HS6ST3: variants seen among roughly 807,000 people sequenced by gnomAD.
HS6ST3 encodes the protein heparan-sulfate 6-O-sulfotransferase 3.
In HS6ST3, 12 loss-of-function variants were observed where a neutral mutation model predicts 36.7. The observed-to-expected ratio is 0.33, with a 90% CI of 0.21 to 0.53. The LOEUF (loss-of-function observed/expected upper bound fraction) is 0.53, where lower values mean the gene tolerates loss of function less well. Ranked by LOEUF, HS6ST3 falls within the 20% of genes least tolerant of loss-of-function variation. The probability of loss-of-function intolerance (pLI) is 0.95; values close to 1 mark genes in which losing one functional copy is unlikely to be tolerated. For synonymous variants in HS6ST3, 240 were observed against 257.5 expected, an observed-to-expected ratio of 0.93 and a Z score of 0.65; for missense variants, 584 against 640.9, an observed-to-expected ratio of 0.91 and a Z score of 0.96.
At chr13:96,661,651 T>G (rs1290832971) in intron 1 of HS6ST3, among the ~76,000 whole-genome samples, 1 of 152,162 alleles carries the variant, frequency 6.6e-6, no homozygotes, top group African/African-American at 2.4e-5. Flanking sequence ...TAATTGTTAG[T>G]TGCTTCATAG....
chr13:96,596,721 T>C (rs941900867), intron 1 of HS6ST3, among the ~76,000 whole-genome samples: 6 of 152,192 alleles, frequency 3.9e-5, no homozygotes, highest in African/African-American at 1.4e-4. Context: ...GAAACATTTA[T>C]ATACTGTTGG....
At chr13:96,595,403 G>A (rs150662927) in intron 1 of HS6ST3, among the ~76,000 whole-genome samples, 19 of 152,100 alleles carry the variant, frequency 1.2e-4, no homozygotes, top group African/African-American at 4.6e-4. Context: ...TGTATTAGAT[G>A]TATTAGAACT....
intron 1 of HS6ST3, among the ~76,000 whole-genome samples, chr13:96,750,553 C>T (rs996086130): frequency 6.6e-6 from 1 of 152,158 alleles, no homozygotes; most frequent in Non-Finnish European, 1.5e-5. Flanking sequence ...GTTTTAAATG[C>T]TTTGTATATG....
intron 1 of HS6ST3, among the ~76,000 whole-genome samples, chr13:96,737,781 T>A (rs1305420929): frequency 6.6e-6 from 1 of 152,128 alleles, no homozygotes; most frequent in East Asian, 1.9e-4. Flanking sequence ...AAAGCTATCA[T>A]CTCTAGGTGA....
chr13:96,229,172 A>G (rs1182254795), intron 1 of HS6ST3, among the ~76,000 whole-genome samples: 8 of 152,004 alleles, frequency 5.3e-5, no homozygotes, highest in Admixed American at 3.9e-4. Flanking sequence ...ATGCTGAAAA[A>G]CCCAGGAGGG....
chr13:96,829,837 T>A (rs147638969), intron 1 of HS6ST3, among the ~76,000 whole-genome samples: 232 of 152,316 alleles, frequency 1.5e-3, no homozygotes, highest in Non-Finnish European at 2.0e-3. Context: ...AATAGAACAA[T>A]TTATATTCAT....
chr13:96,429,931 A>G (rs2055606671), intron 1 of HS6ST3, among the ~76,000 whole-genome samples: 2 of 152,228 alleles, frequency 1.3e-5, no homozygotes, highest in African/African-American at 4.8e-5. Context: ...ATATTTTTCT[A>G]TTGTAGATTT....
intron 1 of HS6ST3, among the ~76,000 whole-genome samples, chr13:96,178,908 A>C (rs2054225383): frequency 6.6e-6 from 1 of 152,228 alleles, no homozygotes; most frequent in Admixed American, 6.5e-5. Flanking sequence ...TTTTATATAA[A>C]AGAATATTTT....
At chr13:96,216,133 A>C (rs551410986) in intron 1 of HS6ST3, among the ~76,000 whole-genome samples, 3 of 152,220 alleles carry the variant, frequency 2.0e-5, no homozygotes, top group Non-Finnish European at 4.4e-5. Flanking sequence ...AGAATTATAC[A>C]TGTTTATGTT....
intron 1 of HS6ST3, among the ~76,000 whole-genome samples, chr13:96,714,078 C>G (rs573037197): frequency 8.7e-4 from 133 of 152,160 alleles, no homozygotes; most frequent in African/African-American, 3.1e-3. Flanking sequence ...AAAAGTTTAA[C>G]ATTTTTAGAA....
At chr13:96,688,547 G>A (rs982179031) in intron 1 of HS6ST3, among the ~76,000 whole-genome samples, 5 of 151,940 alleles carry the variant, frequency 3.3e-5, no homozygotes, top group Admixed American at 6.6e-5. Context: ...AAGGAATAGC[G>A]GAGAAGAGAC....
rs553233555 is a variant in HS6ST3 at position 96,451,122 on chromosome 13, T to C, written c.707+359553T>C. Among the ~76,000 whole-genome samples the C allele has an allele frequency of 3.3e-5, 5 of 152,072 alleles. No homozygotes were observed. The East Asian group carries it at 9.7e-4, about 29-fold the overall frequency. On this transcript the variant is annotated intron_variant, in intron 1 of 1. Coordinates refer to ENST00000376705, the MANE Select transcript of HS6ST3 (RefSeq NM_153456.4). ...TGTAATAGTATTACACATTAAAAAT[T>C]TAATGTGTAATGTAATTTAATGTGT...
At position 96,838,170 on chromosome 13, in the gene HS6ST3, A is replaced by G. The variant is rs865949151; in HGVS notation, c.*4972A>G. On this transcript the variant is annotated 3_prime_UTR_variant, in exon 2 of 2. Coordinates refer to ENST00000376705, the MANE Select transcript of HS6ST3 (RefSeq NM_153456.4). ...AAGGAGGCAGATCTTTCCAAGGTGG[A>G]AAGGTAATGAATTAAATATATGACA... is the stretch of plus-strand genomic sequence containing the variant. 5 of 152,230 alleles carry G rather than the reference A, an allele frequency of 3.3e-5. No individual in the cohort carries two copies. The highest frequency in any genetic ancestry group is 2.1e-4 in the South Asian group (1 of 4,832). The allele number at this position is 152,230 out of a possible 1,614,324, so 9.4% of individuals were successfully genotyped here. A position where few individuals can be genotyped will look rare whatever the true frequency, so the allele number is the denominator to read the frequency against.
chr13:96,762,003 CAT>C (rs1876982025), intron 1 of HS6ST3, among the ~76,000 whole-genome samples: 1 of 151,826 alleles, frequency 6.6e-6, no homozygotes, highest in Non-Finnish European at 1.5e-5. Flanking sequence ...TATATAGACA[CAT>C]ATATACACAC....
At chr13:96,118,329 A>G (rs1446007959) in intron 1 of HS6ST3, among the ~76,000 whole-genome samples, 2 of 152,162 alleles carry the variant, frequency 1.3e-5, no homozygotes. Flanking sequence ...GAAGACAGAG[A>G]TAAAGTCGCC....
At chr13:96,316,841 G>A (rs943105541) in intron 1 of HS6ST3, among the ~76,000 whole-genome samples, 5 of 152,052 alleles carry the variant, frequency 3.3e-5, no homozygotes, top group African/African-American at 9.7e-5. Context: ...AAAATGGATA[G>A]ACATTCTTAA....
intron 1 of HS6ST3, among the ~76,000 whole-genome samples, chr13:96,603,095 T>C (rs1267147681): frequency 3.9e-5 from 6 of 152,148 alleles, no homozygotes; most frequent in Admixed American, 3.9e-4. Context: ...TGATGGAGCA[T>C]CTTACTCTGC....
At chr13:96,245,767 TCTA>T (rs567178744) in intron 1 of HS6ST3, among the ~76,000 whole-genome samples, 1 of 152,116 alleles carries the variant, frequency 6.6e-6, no homozygotes, top group Admixed American at 6.6e-5. Context: ...TCCCATGAAA[TCTA>T]CTGCTCATGC....
chr13:96,758,958 T>G (rs1309739102), intron 1 of HS6ST3, among the ~76,000 whole-genome samples: 1 of 151,862 alleles, frequency 6.6e-6, no homozygotes, highest in Non-Finnish European at 1.5e-5. Flanking sequence ...TATTTTTCCC[T>G]TTAGATTTCT....
Sources: gnomAD v4.1 joint callset for allele counts (sites outside exome capture counted in the v4.1 genomes callset) on GRCh38, gnomAD v4.1.1 for gene constraint, MANE v1.5 for transcripts, NCBI Gene and HGNC (gene_info 2026-07-23, HGNC 2026-07-21) for gene names.